Variants in AJAP1 observed in about 807,000 individuals in gnomAD.
AJAP1 encodes the protein adherens junctions associated protein 1.
Under a neutral mutation model 35.0 loss-of-function variants are expected in AJAP1, and 5 were observed. That is an observed-to-expected ratio of 0.14 (90% CI 0.07 to 0.30). The LOEUF (loss-of-function observed/expected upper bound fraction) is 0.30. AJAP1 is among the 10% of genes least tolerant of loss of function. AJAP1 has a pLI of 1.00. For missense variants in AJAP1, 586 were observed against 571.0 expected (o/e 1.03, Z -0.27); for synonymous variants, 284 against 249.3 (o/e 1.14, Z -1.31).
At chr1:4,749,934 G>C (rs974762701) in intron 2 of AJAP1, among the ~76,000 whole-genome samples, 3 of 152,160 alleles carry the variant, frequency 2.0e-5, no homozygotes, top group Non-Finnish European at 4.4e-5. Context: ...TAGTGTTTTT[G>C]TGTATGCATG....
intron 2 of AJAP1, among the ~76,000 whole-genome samples, chr1:4,727,274 C>G (rs1640686376): frequency 6.6e-6 from 1 of 152,192 alleles, no homozygotes. Flanking sequence ...CCTCTGGCCC[C>G]CTCTGTCCCC....
chr1:4,775,001 G>A (rs958777107), intron 5 of AJAP1, among the ~76,000 whole-genome samples: 1 of 152,118 alleles, frequency 6.6e-6, no homozygotes, highest in African/African-American at 2.4e-5. Flanking sequence ...TCGGGGGAGG[G>A]CGCAAGGCAG....
intron 1 of AJAP1, among the ~76,000 whole-genome samples, chr1:4,689,064 G>A (rs908696008): frequency 6.6e-6 from 1 of 152,088 alleles, no homozygotes; most frequent in Non-Finnish European, 1.5e-5. Context: ...TCACTCGCCT[G>A]TAGGGGGTGA....
intron 1 of AJAP1, among the ~76,000 whole-genome samples, chr1:4,660,211 C>T (rs1366646419): frequency 1.3e-5 from 2 of 152,232 alleles, no homozygotes; most frequent in South Asian, 4.1e-4. Flanking sequence ...ATGGTCTAAG[C>T]CTCACTTTGG....
At chr1:4,778,974 C>T (rs143801073) in intron 5 of AJAP1, among the ~76,000 whole-genome samples, 5 of 152,182 alleles carry the variant, frequency 3.3e-5, no homozygotes, top group Non-Finnish European at 7.3e-5. Context: ...GGGCAGGAGA[C>T]CCCCGTTCTC....
At chr1:4,706,162 C>T (rs1456688544) in intron 1 of AJAP1, among the ~76,000 whole-genome samples, 1 of 152,172 alleles carries the variant, frequency 6.6e-6, no homozygotes, top group Non-Finnish European at 1.5e-5. Flanking sequence ...AGGTCCACTT[C>T]CTGGGTGGGG....
At chr1:4,699,100 T>C (rs1228671132) in intron 1 of AJAP1, among the ~76,000 whole-genome samples, 1 of 152,110 alleles carries the variant, frequency 6.6e-6, no homozygotes, top group African/African-American at 2.4e-5. Flanking sequence ...CATCTGGTCA[T>C]TGTCACACCC....
At position 4,712,476 on chromosome 1, in the gene AJAP1, C is replaced by T. The variant is rs1469523609; in HGVS notation, c.606C>T (p.Gly202=). 8 of 1,611,888 alleles carry T rather than the reference C, an allele frequency of 5.0e-6. No individual in the cohort carries two copies. The highest frequency in any genetic ancestry group is 1.3e-5 in the African/African-American group (1 of 75,000). The change falls in exon 2 of 6, where the codon GGC becomes GGT. Residue 202 remains glycine (G), a synonymous_variant. Coordinates refer to ENST00000378191, the MANE Select transcript of AJAP1 (RefSeq NM_018836.4). ...LESNTFPGVY[G]PTTVSILQTR... ...CCAACACATTTCCGGGCGTTTACGG[C>T]CCCACCACGGTCTCCATCCTACAAA...
At chr1:4,705,207 C>G (rs145004669) in intron 1 of AJAP1, among the ~76,000 whole-genome samples, 3,196 of 151,898 alleles carry the variant, frequency 0.021, 92 homozygotes, top group South Asian at 0.12. Flanking sequence ...AAACTGGATC[C>G]CTTCCTTACA....
At position 4,683,382 on chromosome 1, in the gene AJAP1, T is replaced by G. The variant is rs1639531472; in HGVS notation, c.29+27928T>G. ...GCTTCCTTGGCCCGCCCTCACTGTT[T>G]CCCATTCAGTGGTCTGGGCTGGGTC... On this transcript the variant is annotated intron_variant, in intron 1 of 5. Transcript: ENST00000378191. Among the ~76,000 whole-genome samples the G allele has an allele frequency of 2.6e-5, 4 of 152,182 alleles. No individual in the cohort carries two copies. The South Asian group carries it at 8.3e-4, about 32-fold the overall frequency.
At chr1:4,666,371 C>G (rs1639118494) in intron 1 of AJAP1, among the ~76,000 whole-genome samples, 1 of 152,186 alleles carries the variant, frequency 6.6e-6, no homozygotes, top group Non-Finnish European at 1.5e-5. Context: ...GAAAGGCCAG[C>G]AGGCCCCAGG....
rs1470378988 is a variant in AJAP1, at chr1:4,692,806, C to G, written c.30-19094C>G. On this transcript the variant is annotated intron_variant, in intron 1 of 5. Transcript: ENST00000378191. The surrounding 1 kb of genome is among the most constrained non-coding windows in gnomAD (Gnocchi z 4.4). ...GTTCCCTCAGTGGACTGTGAACTCC[C>G]CATCTGGGTTCCTCTGTCTGTTGGC... Among the ~76,000 whole-genome samples, 2 of 152,162 alleles carry G rather than the reference C, an allele frequency of 1.3e-5. No homozygotes were observed. The highest frequency in any genetic ancestry group is 2.9e-5 in the Non-Finnish European group (2 of 68,028).
chr1:4,763,666 G>A (rs192677929), intron 2 of AJAP1, among the ~76,000 whole-genome samples: 1 of 152,180 alleles, frequency 6.6e-6, no homozygotes, highest in East Asian at 1.9e-4. Flanking sequence ...GAGGGCCCAG[G>A]CAGAACCAAA....
intron 4 of AJAP1, among the ~76,000 whole-genome samples, chr1:4,773,603 A>C (rs1386515230): frequency 1.3e-5 from 2 of 152,208 alleles, no homozygotes; most frequent in African/African-American, 4.8e-5. Flanking sequence ...TGTTGTTCTA[A>C]ACCTCAGTGG....
intron 1 of AJAP1, among the ~76,000 whole-genome samples, chr1:4,667,662 C>T (rs1286535718): frequency 1.3e-5 from 2 of 152,222 alleles, no homozygotes; most frequent in Non-Finnish European, 2.9e-5. Flanking sequence ...CCACTGCTCA[C>T]CTCCTGCTGT....
chr1:4,693,090 C>T lies in AJAP1; in HGVS notation c.30-18810C>T, dbSNP rs1639780505. Among the ~76,000 whole-genome samples, 2 of 152,196 alleles carry T rather than the reference C, an allele frequency of 1.3e-5. No individual in the cohort carries two copies. Among genetic ancestry groups the T allele is most frequent in the Non-Finnish European group, 1.5e-5 (1 of 68,036 alleles). ...TACAGTTTCCTGGAAGCCACCCTTCCCTCACCATGGCCCAGGGAGGTTGAC... is the reference window on the plus strand; with the variant it reads ...TACAGTTTCCTGGAAGCCACCCTTCTCTCACCATGGCCCAGGGAGGTTGAC... On this transcript the variant is annotated intron_variant, in intron 1 of 5. Transcript: ENST00000378191. This position sits in a 1 kb window ranked among gnomAD's most constrained non-coding sequence, Gnocchi z 4.4.
At chr1:4,730,155 C>T (rs926550363) in intron 2 of AJAP1, among the ~76,000 whole-genome samples, 7 of 152,222 alleles carry the variant, frequency 4.6e-5, no homozygotes, top group Non-Finnish European at 1.0e-4. Context: ...AGATTCCACC[C>T]CTACAAGAAT....
At chr1:4,772,791 A>G (rs1352310281) in intron 4 of AJAP1, among the ~76,000 whole-genome samples, 2 of 152,158 alleles carry the variant, frequency 1.3e-5, no homozygotes, top group Non-Finnish European at 2.9e-5. Context: ...GGAAATGCAT[A>G]GTCTCCCAGC....
At chr1:4,742,611 A>AT (rs1228413188) in intron 2 of AJAP1, among the ~76,000 whole-genome samples, 2 of 151,968 alleles carry the variant, frequency 1.3e-5, no homozygotes, top group East Asian at 1.9e-4. Flanking sequence ...GAAGTTCGAA[A>AT]TTTTTTTTAA....
Sources: gnomAD v4.1 joint callset for allele counts (sites outside exome capture counted in the v4.1 genomes callset) on GRCh38, gnomAD v4.1.1 for gene constraint, Gnocchi (gnomAD v3.1) non-coding constraint, MANE v1.5 for transcripts, NCBI Gene and HGNC (gene_info 2026-07-23, HGNC 2026-07-21) for gene names.